Variants in MYOZ2 observed in about 807,000 individuals in gnomAD.
MYOZ2 encodes myozenin 2, also known as myozenin-2.
Under a neutral mutation model 25.4 loss-of-function variants are expected in MYOZ2, and 19 were observed. The ratio of observed to expected loss-of-function variants is 0.75; its 90% CI spans 0.52 to 1.10. MYOZ2 has a LOEUF of 1.10. Among genes scored for constraint, MYOZ2 ranks in the 50% least tolerant of loss-of-function variants. The probability of loss-of-function intolerance (pLI) is 0.00; values close to 1 mark genes in which losing one functional copy is unlikely to be tolerated. For synonymous variants in MYOZ2, 92 were observed against 106.9 expected (o/e 0.86, Z 0.86); for missense variants, 270 against 317.9 (o/e 0.85, Z 1.15).
intron 3 of MYOZ2, among the ~76,000 whole-genome samples, chr4:119,154,398 G>A (rs901986026): frequency 6.6e-6 from 1 of 152,108 alleles, no homozygotes; most frequent in Admixed American, 6.6e-5. Flanking sequence ...ATGCTATGAT[G>A]TAAAGCTTAT....
chr4:119,173,106 A>C (rs1741980339), intron 5 of MYOZ2, among the ~76,000 whole-genome samples: 1 of 152,224 alleles, frequency 6.6e-6, no homozygotes, highest in South Asian at 2.1e-4. Context: ...ACCTTATAGA[A>C]TAATTAGTAA....
At position 119,185,949 on chromosome 4, in the gene MYOZ2, T is replaced by A. The variant is rs1742284036; in HGVS notation, c.561-17T>A. 6.3e-7 allele frequency: 1 copy of A among 1,593,918 alleles called. No homozygotes were observed. The highest frequency in any genetic ancestry group is 1.1e-5 in the South Asian group (1 of 89,934). On this transcript the variant is annotated splice_polypyrimidine_tract_variant and intron_variant, in intron 5 of 5. Transcript: ENST00000307128. ...TGAATATTAATTGAGATCTGTTTTT[T>A]TTTTAATTTCCCACAGGGTTGCCAC... is the stretch of plus-strand genomic sequence containing the variant.
At chr4:119,165,728 C>A (rs11098490) in intron 5 of MYOZ2, among the ~76,000 whole-genome samples, 52,087 of 151,580 alleles carry the variant, frequency 0.34, 10,305 homozygotes, top group East Asian at 0.52. Context: ...AAAATTATAA[C>A]AAGTAAAACA....
intron 3 of MYOZ2, 84 bp from the exon 4 acceptor site, chr4:119,157,938 C>A: frequency 6.7e-7 from 1 of 1,487,900 alleles, no homozygotes; most frequent in Non-Finnish European, 9.4e-7. Context: ...TATAAATATA[C>A]AATTGAAGTT....
chr4:119,161,021 C>A (rs1024883066), intron 4 of MYOZ2, among the ~76,000 whole-genome samples: 1 of 151,984 alleles, frequency 6.6e-6, no homozygotes, highest in African/African-American at 2.4e-5. Flanking sequence ...ATTTTGCATT[C>A]TTTAACAAAT....
chr4:119,164,385 G>A lies in MYOZ2; in HGVS notation c.551G>A (p.Ser184Asn). ...AAGGCAGAACTGCCTGATTACAGGAGCTTTAACAGGTAATTCAATGGTCCT... is the reference window on the plus strand; with the variant it reads ...AAGGCAGAACTGCCTGATTACAGGAACTTTAACAGGTAATTCAATGGTCCT... ...EGKAELPDYR[S>N]FNRVATPFGG... Residue 184 changes from serine (S) to asparagine (N), a missense_variant, in exon 5 of 6, where the codon AGC (serine) becomes AAC (asparagine). Transcript: ENST00000307128. 1 of 1,614,026 alleles carries A rather than the reference G, an allele frequency of 6.2e-7. No homozygotes were observed. Among genetic ancestry groups the A allele is most frequent in the South Asian group, 1.1e-5 (1 of 91,070 alleles).
rs548448344 is a variant in MYOZ2, at chr4:119,176,407, G to C, written c.561-9559G>C. 3.9e-4 allele frequency among the ~76,000 whole-genome samples: 60 copies of C among 152,220 alleles called. 1 individual carries two copies. The highest frequency in any genetic ancestry group is 1.4e-3 in the African/African-American group (57 of 41,532). The stretch of plus-strand genomic sequence containing the variant: ...AGCTAATTTTTTTGTATTTTTAGTA[G>C]AGACAGGGTTTCGCCATGTTGGCCA... On this transcript the variant is annotated intron_variant, in intron 5 of 5. Coordinates refer to ENST00000307128, the MANE Select transcript of MYOZ2 (RefSeq NM_016599.5).
chr4:119,137,254 C>G (rs1247156110), intron 2 of MYOZ2, among the ~76,000 whole-genome samples: 1 of 152,114 alleles, frequency 6.6e-6, no homozygotes, highest in African/African-American at 2.4e-5. Flanking sequence ...TTCACTCTCT[C>G]CTTTTCTTTA....
chr4:119,184,109 C>G (rs535714018), intron 5 of MYOZ2, among the ~76,000 whole-genome samples: 4 of 152,324 alleles, frequency 2.6e-5, no homozygotes, highest in Admixed American at 6.5e-5. Flanking sequence ...ACCACTGGCA[C>G]TGTTGTCTTC....
Position 119,158,105 on chromosome 4 carries a change from C to A in MYOZ2, c.330C>A (p.Asn110Lys). Residue 110 changes from asparagine (N) to lysine (K), a missense_variant, in exon 4 of 6, where the codon AAC (asparagine) becomes AAA (lysine). Asn to Lys is a moderately conservative substitution (Grantham distance 94, BLOSUM62 0). Transcript: ENST00000307128. ...AGCAAGCCCCCTTGACTCCTCCCAA[C>A]ACCCCAGATCCACGAAGCCCTCCAA... ...GSQQAPLTPP[N>K]TPDPRSPPNP... 1.2e-6 allele frequency: 2 copies of A among 1,614,062 alleles called. No homozygotes were observed. The highest frequency in any genetic ancestry group is 1.7e-6 in the Non-Finnish European group (2 of 1,179,980).
rs985885933 is a variant in MYOZ2, at chr4:119,159,747, A to G, written c.376+1596A>G. On this transcript the variant is annotated intron_variant, in intron 4 of 5. Coordinates refer to ENST00000307128, the MANE Select transcript of MYOZ2 (RefSeq NM_016599.5). The stretch of plus-strand genomic sequence containing the variant: ...TATGTAAATATTTTGAGATAATGTT[A>G]TACAGGTACAGCACCTGTACAACAT... Among the ~76,000 whole-genome samples the G allele has an allele frequency of 8.5e-4, 129 of 152,310 alleles. 1 individual carries two copies. The highest frequency in any genetic ancestry group is 3.1e-3 in the African/African-American group (127 of 41,584).
At chr4:119,165,034 T>C (rs1209888596) in intron 5 of MYOZ2, among the ~76,000 whole-genome samples, 1 of 151,090 alleles carries the variant, frequency 6.6e-6, no homozygotes, top group Non-Finnish European at 1.5e-5. Flanking sequence ...ATTTGATCAC[T>C]TGACCTTCAT....
At chr4:119,163,765 G>T (rs1741759011) in intron 4 of MYOZ2, among the ~76,000 whole-genome samples, 1 of 149,802 alleles carries the variant, frequency 6.7e-6, no homozygotes. Context: ...CACCTCTAAA[G>T]AATCAGCTCT....
In MYOZ2 at chr4:119,185,976, C is replaced by T; in HGVS notation, c.571C>T (p.Pro191Ser). The T allele has an allele frequency of 6.2e-7, 1 of 1,613,126 alleles. No homozygotes were observed. Among genetic ancestry groups the T allele is most frequent in the South Asian group, 1.1e-5 (1 of 91,058 alleles). Residue 191 changes from proline to serine, a missense_variant, in exon 6 of 6, where the codon CCA becomes TCA. Pro to Ser is a moderately conservative substitution (Grantham distance 74). Transcript: ENST00000307128. Reference sequence around the variant, plus strand: ...TTTAATTTCCCACAGGGTTGCCACACCATTTGGAGGTTTTGAAAAAGCATC... The same window carrying T: ...TTTAATTTCCCACAGGGTTGCCACATCATTTGGAGGTTTTGAAAAAGCATC... The part of the protein sequence containing the change: ...DYRSFNRVAT[P>S]FGGFEKASRM...
intron 5 of MYOZ2, among the ~76,000 whole-genome samples, chr4:119,179,255 AAT>A (rs1449936510): frequency 6.6e-6 from 1 of 152,202 alleles, no homozygotes; most frequent in African/African-American, 2.4e-5. Context: ...TTTCTTACAT[AAT>A]AGACTCCTTC....
intron 5 of MYOZ2, among the ~76,000 whole-genome samples, chr4:119,175,515 C>G (rs893226667): frequency 2.0e-5 from 3 of 152,060 alleles, no homozygotes; most frequent in South Asian, 2.1e-4. Context: ...AATCCCAGCA[C>G]TTTGGGAGGC....
In MYOZ2 at chr4:119,152,003, C is replaced by G. The variant is rs1462425738; in HGVS notation, c.246+962C>G. 2.0e-5 allele frequency among the ~76,000 whole-genome samples: 3 copies of G among 152,268 alleles called. No homozygotes were observed. In the East Asian group the frequency reaches 5.8e-4, roughly 29 times the overall value. On this transcript the variant is annotated intron_variant, in intron 3 of 5. Transcript: ENST00000307128. ...AACACACTATAGAAACTAATATCTA[C>G]ATCCACAAACACCAAAATTTTGTTC... is the stretch of plus-strand genomic sequence containing the variant.
At chr4:119,140,791 A>AT (rs1741144913) in intron 2 of MYOZ2, among the ~76,000 whole-genome samples, 1 of 152,304 alleles carries the variant, frequency 6.6e-6, no homozygotes, top group Admixed American at 6.5e-5. Flanking sequence ...TGGTAATGTC[A>AT]TTTTTTGAAT....
rs538700523 is a variant in MYOZ2, at chr4:119,173,127, C to T, written c.560+8733C>T. ...TAGAATAATTAGTAATTATTATAGG[C>T]GTATTATATATCCAGTACTATTAGT... On this transcript the variant is annotated intron_variant, in intron 5 of 5. Transcript: ENST00000307128. Among the ~76,000 whole-genome samples the T allele has an allele frequency of 6.6e-5, 10 of 152,210 alleles. 1 individual carries two copies. In the East Asian group the frequency reaches 9.6e-4, roughly 15 times the overall value.
Sources: gnomAD v4.1 joint callset for allele counts (sites outside exome capture counted in the v4.1 genomes callset) on GRCh38, gnomAD v4.1.1 for gene constraint, MANE v1.5 for transcripts, NCBI Gene and HGNC (gene_info 2026-07-23, HGNC 2026-07-21) for gene names.